DNA2: variants seen among roughly 807,000 people sequenced by gnomAD.
DNA2 encodes DNA replication ATP-dependent helicase/nuclease DNA2.
DNA2 carries 101 observed loss-of-function variants against 119.1 expected under a neutral mutation model. The observed-to-expected ratio is 0.85, with a 90% confidence interval of 0.72 to 1.00. The LOEUF is 1.00. DNA2 is among the 50% of genes least tolerant of loss of function. DNA2 has a pLI of 0.00. For synonymous variants in DNA2, 366 were observed against 424.4 expected (o/e 0.86, Z 1.69); for missense variants, 1,121 against 1,255.5 (o/e 0.89, Z 1.62).
At position 68,460,338 on chromosome 10, in the gene DNA2, G is replaced by A. The variant is rs182314296; in HGVS notation, c.588-1103C>T. 5.5e-3 allele frequency among the ~76,000 whole-genome samples: 825 copies of A among 150,684 alleles called. 5 individuals carry two copies. Among genetic ancestry groups the A allele is most frequent in the Non-Finnish European group, 9.4e-3 (633 of 67,638 alleles). ...TGGCCAGGCTGGTCTCAAACTCCTG[G>A]GCTCAAGCAATCTGCCCACCTTGGC... On this transcript the variant is annotated intron_variant, in intron 4 of 20. Coordinates refer to ENST00000358410, the MANE Select transcript of DNA2 (RefSeq NM_001080449.3).
intron 6 of DNA2, among the ~76,000 whole-genome samples, chr10:68,447,977 G>A (rs1305209633): frequency 3.9e-5 from 2 of 50,756 alleles, no homozygotes; most frequent in Non-Finnish European, 7.2e-5. Flanking sequence ...GTGAGACTCC[G>A]TCTCAAAAAA....
chr10:68,429,882 A>ATT (rs142420844), intron 14 of DNA2, among the ~76,000 whole-genome samples: 11,660 of 123,592 alleles, frequency 0.094, 960 homozygotes, highest in East Asian at 0.21. Context: ...AAAAACCCGG[A>ATT]TTTTTTTTTT....
intron 6 of DNA2, among the ~76,000 whole-genome samples, chr10:68,449,602 C>T (rs755009119): frequency 4.6e-5 from 7 of 151,998 alleles, no homozygotes; most frequent in Non-Finnish European, 1.0e-4. Context: ...CATGGCAAAA[C>T]TCAATTTCTA....
chr10:68,417,179 GC>G (rs1280946409), intron 19 of DNA2, among the ~76,000 whole-genome samples: 1 of 150,560 alleles, frequency 6.6e-6, no homozygotes, highest in African/African-American at 2.4e-5. Context: ...GGCTGCTTGA[GC>G]CCAGAAGTCA....
chr10:68,457,836 T>C (rs143780522), intron 5 of DNA2, among the ~76,000 whole-genome samples: 254 of 150,532 alleles, frequency 1.7e-3, no homozygotes, highest in African/African-American at 5.8e-3. Context: ...AGTCAACACA[T>C]GACACAGACT....
At chr10:68,430,354 A>C (rs2051803292) in intron 14 of DNA2, 82 bp downstream of exon 14, 4 of 991,256 alleles carry the variant, frequency 4.0e-6, no homozygotes, top group Non-Finnish European at 5.9e-6. Context: ...CAATGTGACT[A>C]AATTTCCCAG....
At position 68,427,821 on chromosome 10, in the gene DNA2, C is replaced by T. The variant is rs547376059; in HGVS notation, c.2208+2615G>A. On this transcript the variant is annotated intron_variant, in intron 14 of 20. Coordinates refer to ENST00000358410, the MANE Select transcript of DNA2 (RefSeq NM_001080449.3). ...GGCCAAGGCGGGTGGATCACGAGGT[C>T]GGGAGCTCAAGACCAGCCTGGCCAA... is the stretch of plus-strand genomic sequence containing the variant. Among the ~76,000 whole-genome samples the T allele has an allele frequency of 5.3e-5, 8 of 152,156 alleles. No individual in the cohort carries two copies. In the South Asian group the frequency reaches 6.2e-4, roughly 12 times the overall value.
In DNA2 at chr10:68,432,460, T is replaced by C; in HGVS notation, c.1697A>G (p.Glu566Gly). 1 of 1,584,578 alleles carries C rather than the reference T, an allele frequency of 6.3e-7. No individual in the cohort carries two copies. The highest frequency in any genetic ancestry group is 8.6e-7 in the Non-Finnish European group (1 of 1,165,592). The change falls in exon 11 of 21, where the codon GAA (glutamate) becomes GGA (glycine). Residue 566 changes from glutamate to glycine, a missense_variant. Transcript: ENST00000358410. Reference sequence around the variant, plus strand: ...TGGGGTATCTATATCACAATTTTTTTCTTCTTGGTCTAATCTGAACAAAGT... The same window carrying C: ...TGGGGTATCTATATCACAATTTTTTCCTTCTTGGTCTAATCTGAACAAAGT... ...ESTLFRLDQE[E>G]KNCDIDTPLG...
chr10:68,468,244 G>A lies in DNA2; in HGVS notation c.320C>T (p.Thr107Ile). 1 of 1,611,678 alleles carries A rather than the reference G, an allele frequency of 6.2e-7. No homozygotes were observed. The highest frequency in any genetic ancestry group is 8.5e-7 in the Non-Finnish European group (1 of 1,179,072). The change falls in exon 3 of 21, where the codon ACT becomes ATT. Residue 107 changes from threonine to isoleucine, a missense_variant. Transcript: ENST00000358410. ...IHLEGDCTSD[T>I]WIIDKDFGYL... ...TCCAAAATCTTTATCTATTATCCAAGTGTCAGATGTGCAGTCTCCCTCCAA... is the reference window on the plus strand; with the variant it reads ...TCCAAAATCTTTATCTATTATCCAAATGTCAGATGTGCAGTCTCCCTCCAA...
At chr10:68,451,806 G>T (rs2052122078) in intron 5 of DNA2, among the ~76,000 whole-genome samples, 2 of 149,708 alleles carry the variant, frequency 1.3e-5, no homozygotes, top group South Asian at 4.2e-4. Flanking sequence ...GTCCTGGCTG[G>T]TCTCAAATTC....
chr10:68,438,043 T>C (rs566321365), intron 9 of DNA2, among the ~76,000 whole-genome samples: 3 of 152,218 alleles, frequency 2.0e-5, no homozygotes, highest in Admixed American at 6.5e-5. Context: ...TGCTCAACAA[T>C]AGTCTTGCAA....
intron 10 of DNA2, among the ~76,000 whole-genome samples, chr10:68,434,882 TAC>T (rs1158144515): frequency 5.9e-5 from 9 of 152,314 alleles, no homozygotes; most frequent in African/African-American, 1.9e-4. Flanking sequence ...ACATTTCCAT[TAC>T]AGTTACTCAG....
intron 20 of DNA2, 121 bp from the exon 21 acceptor site, chr10:68,415,228 T>C (rs2051572921): frequency 1.7e-6 from 1 of 603,472 alleles, no homozygotes; most frequent in Non-Finnish European, 2.9e-6. Flanking sequence ...AGGATCTTTA[T>C]GGCATTCAAT....
intron 1 of DNA2, among the ~76,000 whole-genome samples, chr10:68,470,849 C>A (rs140721056): frequency 8.5e-5 from 13 of 152,226 alleles, no homozygotes; most frequent in Admixed American, 2.6e-4. Flanking sequence ...TAAAGTAATG[C>A]CGGAAATCTT....
chr10:68,445,007 T>C lies in DNA2; in HGVS notation c.1134A>G (p.Thr378=). ...RISKSATRQK[T]QLASLPQIIE... Reference sequence around the variant, plus strand: ...TTATTTGTGGCAAAGAAGCAAGCTGTGTCTTCTGTCTAGTAGCAGATTTGC... The same window carrying C: ...TTATTTGTGGCAAAGAAGCAAGCTGCGTCTTCTGTCTAGTAGCAGATTTGC... Residue 378 remains threonine, a synonymous_variant, in exon 8 of 21, where the codon ACA becomes ACG. Coordinates refer to ENST00000358410, the MANE Select transcript of DNA2 (RefSeq NM_001080449.3). 1.2e-6 allele frequency: 2 copies of C among 1,613,520 alleles called. No homozygotes were observed. Among genetic ancestry groups the C allele is most frequent in the Non-Finnish European group, 1.7e-6 (2 of 1,179,526 alleles).
intron 9 of DNA2, among the ~76,000 whole-genome samples, chr10:68,439,700 G>A (rs2051940947): frequency 6.6e-6 from 1 of 151,940 alleles, no homozygotes; most frequent in Non-Finnish European, 1.5e-5. Context: ...AGCCTGGCGT[G>A]GTGGCCCATG....
At position 68,422,869 on chromosome 10, in the gene DNA2, T is replaced by C. The variant is rs771075304; in HGVS notation, c.2230A>G (p.Met744Val). Residue 744 changes from methionine (M) to valine (V), a missense_variant, in exon 15 of 21, where the codon ATG becomes GTG. Physicochemically the swap from Met to Val is conservative, Grantham distance 21. Transcript: ENST00000358410. ...GAAAATATTGGATGGTTTATTCCCA[T>C]ACATGTTGTTGCAACTATAAGCTAA... is the stretch of plus-strand genomic sequence containing the variant. ...NSQLIVATTC[M>V]GINHPIFSRK... is the part of the protein sequence containing the mutation. The C allele has an allele frequency of 2.1e-5, 33 of 1,583,258 alleles. No individual in the cohort carries two copies. The highest frequency in any genetic ancestry group is 2.7e-5 in the Non-Finnish European group (32 of 1,169,304).
At chr10:68,424,653 TC>T in intron 14 of DNA2, 1 of 1,605,652 alleles carries the variant, frequency 6.2e-7, no homozygotes, top group Non-Finnish European at 8.5e-7. Flanking sequence ...GATCATGTCA[TC>T]CCCGCTCTCC....
chr10:68,471,506 A>G (rs2052380502), intron 1 of DNA2, among the ~76,000 whole-genome samples: 1 of 152,210 alleles, frequency 6.6e-6, no homozygotes. Flanking sequence ...TCCTATTATA[A>G]AAACATTCCA....
Sources: allele counts gnomAD v4.1 joint callset (sites outside exome capture counted in the v4.1 genomes callset), GRCh38; gene constraint gnomAD v4.1.1; transcripts MANE v1.5; gene names NCBI Gene and HGNC (gene_info 2026-07-23, HGNC 2026-07-21).